Variants in DZIP3 observed in about 807,000 individuals in gnomAD.
DZIP3 encodes the protein DAZ interacting zinc finger protein 3.
A neutral mutation model predicts 162.0 loss-of-function variants in DZIP3; 118 were observed. That is an observed-to-expected ratio of 0.73 (90% CI 0.63 to 0.85). The LOEUF (loss-of-function observed/expected upper bound fraction) is 0.85, where lower values mean the gene tolerates loss of function less well. Ranked by LOEUF, DZIP3 falls within the 40% of genes least tolerant of loss-of-function variation. The pLI, the probability that DZIP3 is intolerant of heterozygous loss-of-function variation, is 0.00. For synonymous variants in DZIP3, 438 were observed against 458.6 expected (o/e 0.96, Z 0.57); for missense variants, 1,331 against 1,407.0 (o/e 0.95, Z 0.86).
At chr3:108,638,725 T>G (rs767161621) in intron 12 of DZIP3, among the ~76,000 whole-genome samples, 1 of 152,168 alleles carries the variant, frequency 6.6e-6, no homozygotes. Flanking sequence ...TCAAACAGCT[T>G]CTTAAAACTG....
intron 26 of DZIP3, among the ~76,000 whole-genome samples, chr3:108,682,441 A>T (rs1431374722): frequency 6.6e-6 from 1 of 151,024 alleles, no homozygotes; most frequent in Non-Finnish European, 1.5e-5. Flanking sequence ...AGTCATAAAA[A>T]AGAATGAAAT....
Position 108,647,502 on chromosome 3 carries a change from C to A in DZIP3, c.1793-441C>A, listed in dbSNP as rs112486225. ...AGGAGCAAAGTCTCAAAGAAAAGGT[C>A]ACATAATAGGGGGCTCACACCCCTC... On this transcript the variant is annotated intron_variant, in intron 15 of 32. Coordinates refer to ENST00000361582, the MANE Select transcript of DZIP3 (RefSeq NM_014648.4). 4.7e-3 allele frequency among the ~76,000 whole-genome samples: 717 copies of A among 152,174 alleles called. 3 individuals carry two copies. The highest frequency in any genetic ancestry group is 0.016 in the African/African-American group (655 of 41,528).
chr3:108,685,848 G>A (rs761228384), intron 27 of DZIP3, among the ~76,000 whole-genome samples: 4 of 152,246 alleles, frequency 2.6e-5, no homozygotes, highest in South Asian at 4.1e-4. Flanking sequence ...CACTTCTTAC[G>A]CATTGTAATT....
intron 1 of DZIP3, 88 bp downstream of exon 1, chr3:108,589,927 C>T (rs1357837174): frequency 6.6e-6 from 1 of 152,340 alleles, no homozygotes; most frequent in African/African-American, 2.4e-5. Context: ...CCTACACCCG[C>T]CCCTTCTGCC....
intron 19 of DZIP3, among the ~76,000 whole-genome samples, chr3:108,655,164 G>T (rs987144765): frequency 1.2e-4 from 18 of 152,122 alleles, no homozygotes; most frequent in African/African-American, 4.3e-4. Flanking sequence ...GAATTAAAAT[G>T]ACACATACCT....
At chr3:108,606,182 AG>A (rs979609851) in intron 2 of DZIP3, among the ~76,000 whole-genome samples, 1 of 152,180 alleles carries the variant, frequency 6.6e-6, no homozygotes, top group African/African-American at 2.4e-5. Flanking sequence ...TATTTTCTAA[AG>A]GGTAATTTAA....
intron 27 of DZIP3, among the ~76,000 whole-genome samples, chr3:108,685,413 CTG>C (rs762035416): frequency 1.2e-3 from 188 of 152,212 alleles, no homozygotes; most frequent in Non-Finnish European, 2.2e-3. Flanking sequence ...ATTACAGTGA[CTG>C]TTAGTAGTTG....
chr3:108,637,398 C>A, intron 11 of DZIP3, 98 bp from the exon 12 acceptor site: 1 of 1,073,154 alleles, frequency 9.3e-7, no homozygotes, highest in Non-Finnish European at 1.4e-6. Flanking sequence ...TGTGGCTTCA[C>A]TCTCATTGTA....
rs1173645316 is a variant in DZIP3 at position 108,688,609 on chromosome 3, T to C, written c.3287T>C (p.Val1096Ala). 1.2e-6 allele frequency: 2 copies of C among 1,611,188 alleles called. No individual in the cohort carries two copies. The highest frequency in any genetic ancestry group is 4.5e-5 in the East Asian group (2 of 44,884). ...PKKSQSQGKS[V>A]SNVNCVSPSH... ...TATTTTCAGAGTCAAGGAAAATCAG[T>C]GTCAAATGTTAATTGTGTTTCACCT... Residue 1096 changes from valine (V) to alanine (A), a missense_variant, in exon 30 of 33, where the codon GTG becomes GCG. Around this residue, in one of 2 missense-constraint regions of DZIP3, gnomAD observed 1,278 missense variants for 1,317.1 expected, o/e 0.97. Coordinates refer to ENST00000361582, the MANE Select transcript of DZIP3 (RefSeq NM_014648.4).
At chr3:108,611,704 G>C (rs767629035) in intron 4 of DZIP3, among the ~76,000 whole-genome samples, 3 of 152,128 alleles carry the variant, frequency 2.0e-5, no homozygotes, top group Non-Finnish European at 4.4e-5. Flanking sequence ...AGTGGCTCAC[G>C]TCTCTAATCC....
chr3:108,599,593 C>T (rs989147943), intron 1 of DZIP3, among the ~76,000 whole-genome samples: 5 of 152,156 alleles, frequency 3.3e-5, no homozygotes, highest in African/African-American at 1.2e-4. Context: ...TTTCATAGTG[C>T]TGTAACCACA....
chr3:108,693,249 G>T (rs1944769873), intron 32 of DZIP3, 111 bp from the exon 33 acceptor site: 1 of 151,040 alleles, frequency 6.6e-6, no homozygotes, highest in African/African-American at 2.4e-5. Context: ...AAAGAAGTAG[G>T]AAAATCCCAT....
At chr3:108,628,266 G>T (rs1406050632) in intron 7 of DZIP3, among the ~76,000 whole-genome samples, 1 of 152,156 alleles carries the variant, frequency 6.6e-6, no homozygotes. Flanking sequence ...ATAAAGGTAG[G>T]CTGCTCTCCT....
Position 108,649,430 on chromosome 3 carries a change from G to A in DZIP3, c.2007+468G>A, listed in dbSNP as rs985894795. ...ACAAATACAAACTTCTTGCGTTGCT[G>A]CTTCTTTGATTTTGTCAGTTGCAAA... On this transcript the variant is annotated intron_variant, in intron 17 of 32. Transcript: ENST00000361582. 2.6e-5 allele frequency among the ~76,000 whole-genome samples: 4 copies of A among 151,770 alleles called. No homozygotes were observed. In the South Asian group the frequency reaches 8.3e-4, roughly 31 times the overall value.
At chr3:108,638,213 T>C (rs1368958533) in intron 12 of DZIP3, among the ~76,000 whole-genome samples, 6 of 152,222 alleles carry the variant, frequency 3.9e-5, no homozygotes, top group Non-Finnish European at 8.8e-5. Flanking sequence ...TCCATTTTTA[T>C]TTTTCAAAAA....
intron 1 of DZIP3, among the ~76,000 whole-genome samples, chr3:108,598,352 C>G (rs946755219): frequency 1.3e-5 from 2 of 152,020 alleles, no homozygotes; most frequent in African/African-American, 4.8e-5. Flanking sequence ...GTTTATCTTC[C>G]ATAGTTGTGT....
At chr3:108,620,655 T>C (rs1198988809) in intron 5 of DZIP3, among the ~76,000 whole-genome samples, 1 of 152,230 alleles carries the variant, frequency 6.6e-6, no homozygotes, top group Non-Finnish European at 1.5e-5. Flanking sequence ...ATCCCTAATC[T>C]ATCTCATCTC....
At chr3:108,693,144 G>A (rs1205142137) in intron 32 of DZIP3, among the ~76,000 whole-genome samples, 1 of 150,606 alleles carries the variant, frequency 6.6e-6, no homozygotes, top group African/African-American at 2.4e-5. Context: ...TAAGGAGAAT[G>A]TATTAAAATA....
chr3:108,682,654 A>G (rs1944362618), intron 26 of DZIP3, among the ~76,000 whole-genome samples: 1 of 150,626 alleles, frequency 6.6e-6, no homozygotes, highest in African/African-American at 2.5e-5. Context: ...TGGTTGGTCA[A>G]TGGGTACAAT....
Sources: gnomAD v4.1 joint callset for allele counts (sites outside exome capture counted in the v4.1 genomes callset) on GRCh38, gnomAD v4.1.1 for gene constraint, gnomAD v4.1.1 regional missense constraint, MANE v1.5 for transcripts, NCBI Gene and HGNC (gene_info 2026-07-23, HGNC 2026-07-21) for gene names.